GALNT14: variants seen among roughly 807,000 people sequenced by gnomAD.
GALNT14 encodes the protein UDP-GalNAc:polypeptide N-acetylgalactosaminyltransferase 14.
Under a neutral mutation model 77.5 loss-of-function variants are expected in GALNT14, and 60 were observed. The ratio of observed to expected loss-of-function variants is 0.77; its 90% confidence interval spans 0.63 to 0.96. The LOEUF (loss-of-function observed/expected upper bound fraction) is 0.96. GALNT14 is among the 40% of genes least tolerant of loss of function. GALNT14 has a pLI of 0.00. For synonymous variants in GALNT14, 280 were observed against 281.7 expected (o/e 0.99, Z 0.06); for missense variants, 710 against 731.0 (o/e 0.97, Z 0.33).
chr2:31,019,743 T>C (rs1671601406), intron 1 of GALNT14, among the ~76,000 whole-genome samples: 2 of 152,198 alleles, frequency 1.3e-5, no homozygotes, highest in African/African-American at 4.8e-5. Context: ...TCACTCACTG[T>C]GTGACCCCAG....
intron 1 of GALNT14, among the ~76,000 whole-genome samples, chr2:31,128,853 T>C (rs1313490810): frequency 1.3e-5 from 2 of 152,174 alleles, no homozygotes; most frequent in Non-Finnish European, 2.9e-5. Context: ...AACTTGGCCT[T>C]TCCTAGAAGA....
chr2:30,961,047 C>G (rs948377475), intron 3 of GALNT14, among the ~76,000 whole-genome samples: 1 of 152,246 alleles, frequency 6.6e-6, no homozygotes, highest in Non-Finnish European at 1.5e-5. Flanking sequence ...CTCAAGGAGC[C>G]CCCAGAGGCC....
the GALNT14 span, among the ~76,000 whole-genome samples, chr2:30,898,676 A>C: frequency 6.6e-6 from 1 of 152,202 alleles, no homozygotes; most frequent in Non-Finnish European, 1.5e-5. Context: ...TGTCAATCAA[A>C]GTGAAAGATA....
intron 13 of GALNT14, among the ~76,000 whole-genome samples, chr2:30,922,800 C>A (rs185501142): frequency 4.6e-5 from 7 of 152,326 alleles, no homozygotes; most frequent in Admixed American, 1.3e-4. Flanking sequence ...AGGCCTGCAA[C>A]CTAGTCTTTC....
chr2:30,934,113 C>T (rs1665911145), intron 9 of GALNT14, among the ~76,000 whole-genome samples: 1 of 152,178 alleles, frequency 6.6e-6, no homozygotes, highest in South Asian at 2.1e-4. Flanking sequence ...CCATAAAGTC[C>T]CACTGTACAG....
intron 1 of GALNT14, among the ~76,000 whole-genome samples, chr2:31,124,497 T>C (rs1401916124): frequency 6.6e-6 from 1 of 152,166 alleles, no homozygotes; most frequent in East Asian, 1.9e-4. Flanking sequence ...GGGCAAGATA[T>C]TGGACCTTTA....
At chr2:31,113,703 A>C (rs1246893505) in intron 1 of GALNT14, among the ~76,000 whole-genome samples, 1 of 152,120 alleles carries the variant, frequency 6.6e-6, no homozygotes, top group African/African-American at 2.4e-5. Flanking sequence ...CCACCACTTT[A>C]AGTTCAGTTC....
Position 30,943,324 on chromosome 2 carries a change from A to C in GALNT14, c.828-1020T>G, listed in dbSNP as rs189548945. ...GGAGGGGAGCAGATTCCAAGCTAAT[A>C]ATCAGTGGCTGGATAGGTGGGCAAG... On this transcript the variant is annotated intron_variant, in intron 8 of 14. Transcript: ENST00000349752. Among the ~76,000 whole-genome samples, 1,068 of 152,286 alleles carry C rather than the reference A, an allele frequency of 7.0e-3. 12 individuals are homozygous for C. Among genetic ancestry groups the C allele is most frequent in the African/African-American group, 0.025 (1,019 of 41,540 alleles).
At chr2:31,124,536 T>C (rs1213857051) in intron 1 of GALNT14, among the ~76,000 whole-genome samples, 1 of 152,060 alleles carries the variant, frequency 6.6e-6, no homozygotes, top group African/African-American at 2.4e-5. Context: ...CTGGTAAAAA[T>C]AAAGGTAATC....
chr2:31,119,662 T>C (rs7600547), intron 1 of GALNT14, among the ~76,000 whole-genome samples: 94,881 of 152,096 alleles, frequency 0.62, 31,487 homozygotes, highest in African/African-American at 0.86. Context: ...AATTACAGAC[T>C]CCTTTTGACT....
At chr2:31,109,877 C>G (rs1677751541) in intron 1 of GALNT14, among the ~76,000 whole-genome samples, 1 of 152,140 alleles carries the variant, frequency 6.6e-6, no homozygotes. Context: ...TTCTTCCACC[C>G]ATAGCTTGGG....
intron 2 of GALNT14, among the ~76,000 whole-genome samples, chr2:30,989,737 A>T (rs1333268503): frequency 1.4e-5 from 2 of 145,924 alleles, no homozygotes; most frequent in Admixed American, 7.0e-5. Context: ...ATATTATTTG[A>T]TCTTTATAAA....
chr2:30,964,362 G>C lies in GALNT14; in HGVS notation c.398+1842C>G, dbSNP rs573740288. ...CAGAACCAGCCACCTCCACCTCCCT[G>C]TGTGTCCTCTCAGCCTGGATGCCCC... On this transcript the variant is annotated intron_variant, in intron 3 of 14. Transcript: ENST00000349752. 2.0e-5 allele frequency among the ~76,000 whole-genome samples: 3 copies of C among 152,288 alleles called. No individual in the cohort carries two copies. The South Asian group carries it at 6.2e-4, about 32-fold the overall frequency.
chr2:30,910,912 C>T lies in GALNT14; in HGVS notation c.1648G>A (p.Val550Met), dbSNP rs754936068. The change falls in exon 15 of 15, where the codon GTG becomes ATG. Residue 550 changes from valine to methionine, a missense_variant. Physicochemically the swap from Val to Met is conservative, Grantham distance 21 (BLOSUM62 1). Transcript: ENST00000349752. ...TCTGGCAGGGGTCCTCAAGAGCTCA[C>T]CATGTCCCAGTGCTGGCTCATGAGT... ...SSLMSQHWDMVSS is the reference protein window; with the variant it reads ...SSLMSQHWDMMSS 3.5e-5 allele frequency: 56 copies of T among 1,613,880 alleles called. No individual in the cohort carries two copies. In the South Asian group the frequency reaches 6.0e-4, roughly 17 times the overall value.
intron 1 of GALNT14, among the ~76,000 whole-genome samples, chr2:31,081,285 G>T (rs1676144283): frequency 6.6e-6 from 1 of 152,298 alleles, no homozygotes; most frequent in East Asian, 1.9e-4. Context: ...CAATAATGAA[G>T]ATAAATATCA....
At chr2:30,936,687 A>G (rs1203179366) in intron 9 of GALNT14, among the ~76,000 whole-genome samples, 1 of 152,218 alleles carries the variant, frequency 6.6e-6, no homozygotes, top group Non-Finnish European at 1.5e-5. Flanking sequence ...CTCTTTAATG[A>G]ATGAAGGGAC....
chr2:30,917,869 G>A (rs916304628), intron 13 of GALNT14, among the ~76,000 whole-genome samples: 1 of 152,176 alleles, frequency 6.6e-6, no homozygotes, highest in Non-Finnish European at 1.5e-5. Flanking sequence ...GTACCTCCAC[G>A]GTCCCTGAGA....
At chr2:31,070,064 AG>A (rs1243754097) in intron 1 of GALNT14, among the ~76,000 whole-genome samples, 2 of 152,272 alleles carry the variant, frequency 1.3e-5, no homozygotes, top group Non-Finnish European at 2.9e-5. Flanking sequence ...GCATCCTCCA[AG>A]TACCTCTGGG....
At position 31,138,400 on chromosome 2, in the gene GALNT14, G is replaced by GCCA; in HGVS notation, c.-315_-314insTGG. On this transcript the variant is annotated 5_prime_UTR_variant, in exon 1 of 15. Coordinates refer to ENST00000349752, the MANE Select transcript of GALNT14 (RefSeq NM_024572.4). ...CCACGCCGCCACCGCGGCTGCCGCC[G>GCCA]CCGCCGCCGCCGCCTTGCCCGCTGC... is the stretch of plus-strand genomic sequence containing the variant. 2.8e-6 allele frequency: 1 copy of GCCA among 359,834 alleles called. No individual in the cohort carries two copies. The highest frequency in any genetic ancestry group is 5.0e-6 in the Non-Finnish European group (1 of 200,778). The allele number at this position is 359,834 out of a possible 1,614,324, so 22.3% of individuals were successfully genotyped here. A position where few individuals can be genotyped will look rare whatever the true frequency, so the allele number is the denominator to read the frequency against.
Sources: allele counts gnomAD v4.1 joint callset (sites outside exome capture counted in the v4.1 genomes callset), GRCh38; gene constraint gnomAD v4.1.1; transcripts MANE v1.5; gene names NCBI Gene and HGNC (gene_info 2026-07-23, HGNC 2026-07-21).